CSMD1: variants seen among roughly 807,000 people sequenced by gnomAD.
The protein encoded by CSMD1 is CUB and sushi domain-containing protein 1.
In CSMD1, 213 loss-of-function variants were observed where a neutral mutation model predicts 417.5. The observed-to-expected ratio is 0.51, with a 90% confidence interval of 0.46 to 0.57. The LOEUF (loss-of-function observed/expected upper bound fraction) is 0.57. Ranked by LOEUF, CSMD1 falls within the 20% of genes least tolerant of loss-of-function variation. The pLI is 0.00. For synonymous variants in CSMD1, 2,862 were observed against 1,736.8 expected (o/e 1.65, Z -16.11); for missense variants, 6,923 against 4,529.7 (o/e 1.53, Z -15.17).
At position 2,978,561 on chromosome 8, in the gene CSMD1, G is replaced by T; in HGVS notation, c.8566+51C>A. 2.1e-6 allele frequency: 3 copies of T among 1,404,210 alleles called. No individual in the cohort carries two copies. In the East Asian group the frequency reaches 7.6e-5, roughly 35 times the overall value. The allele number at this position is 1,404,210 out of a possible 1,614,324, so 87.0% of individuals were successfully genotyped here. A position where few individuals can be genotyped will look rare whatever the true frequency, so the allele number is the denominator to read the frequency against. Reference sequence around the variant, plus strand: ...TATACTTACGGAATTTTCTGCTGATGGTGACCTTGCAGGGGTCTCTGCACA... The same window carrying T: ...TATACTTACGGAATTTTCTGCTGATTGTGACCTTGCAGGGGTCTCTGCACA... On this transcript the variant is annotated intron_variant, in intron 55 of 69. Coordinates refer to ENST00000635120, the MANE Select transcript of CSMD1 (RefSeq NM_033225.6).
At chr8:4,966,465 C>T (rs1283357018) in intron 1 of CSMD1, among the ~76,000 whole-genome samples, 1 of 152,172 alleles carries the variant, frequency 6.6e-6, no homozygotes, top group Non-Finnish European at 1.5e-5. Context: ...TATCAACCAT[C>T]ACTTCCAGAT....
intron 5 of CSMD1, among the ~76,000 whole-genome samples, chr8:3,839,140 T>C (rs1802929178): frequency 7.9e-6 from 1 of 127,088 alleles, no homozygotes; most frequent in Non-Finnish European, 1.6e-5. Flanking sequence ...TCTAGATATA[T>C]ATAGTCTATA....
In CSMD1 at chr8:3,819,585, C is replaced by T. The variant is rs373793470; in HGVS notation, c.819-65543G>A. On this transcript the variant is annotated intron_variant, in intron 5 of 69. Coordinates refer to ENST00000635120, the MANE Select transcript of CSMD1 (RefSeq NM_033225.6). The stretch of plus-strand genomic sequence containing the variant: ...ACGTATGTATATAAACGCCAACATG[C>T]GTAACATATATATGCTGAGACAGGA... 6.0e-5 allele frequency among the ~76,000 whole-genome samples: 9 copies of T among 151,098 alleles called. No homozygotes were observed. The East Asian group carries it at 7.8e-4, about 13-fold the overall frequency.
At chr8:4,852,466 G>C (rs984173023) in intron 1 of CSMD1, among the ~76,000 whole-genome samples, 1 of 152,080 alleles carries the variant, frequency 6.6e-6, no homozygotes, top group Non-Finnish European at 1.5e-5. Flanking sequence ...GCTTGATGAG[G>C]CCTCACCAGT....
At chr8:3,273,021 G>A (rs1178294256) in intron 26 of CSMD1, among the ~76,000 whole-genome samples, 1 of 151,820 alleles carries the variant, frequency 6.6e-6, no homozygotes, top group African/African-American at 2.4e-5. Flanking sequence ...GTCTTCAAAG[G>A]GAATGCTTCT....
chr8:4,865,218 A>T (rs927899693), intron 1 of CSMD1, among the ~76,000 whole-genome samples: 1 of 151,778 alleles, frequency 6.6e-6, no homozygotes. Context: ...TAAGTCCTTT[A>T]TTTAAAAAAT....
intron 67 of CSMD1, 73 bp downstream of exon 67, chr8:2,950,156 CCG>C (rs1802527301): frequency 1.0e-6 from 1 of 967,872 alleles, no homozygotes. Context: ...AGCCTCCAAT[CCG>C]TAGCCCTTGC....
intron 1 of CSMD1, among the ~76,000 whole-genome samples, chr8:4,881,670 C>G (rs1803411045): frequency 1.3e-5 from 2 of 151,628 alleles, no homozygotes; most frequent in Admixed American, 6.6e-5. Flanking sequence ...CATAAAGAGT[C>G]TTTAAGGTAT....
At chr8:4,010,301 G>C (rs958734361) in intron 4 of CSMD1, among the ~76,000 whole-genome samples, 1 of 151,886 alleles carries the variant, frequency 6.6e-6, no homozygotes, top group Non-Finnish European at 1.5e-5. Context: ...ATAATAATCT[G>C]GCACCCTCTG....
chr8:4,828,713 A>T (rs546585550), intron 1 of CSMD1, among the ~76,000 whole-genome samples: 1 of 152,262 alleles, frequency 6.6e-6, no homozygotes, highest in African/African-American at 2.4e-5. Context: ...CATGACTTAA[A>T]ATCCTAACGC....
chr8:4,601,501 C>A lies in CSMD1; in HGVS notation c.302+35841G>T, dbSNP rs77375336. On this transcript the variant is annotated intron_variant, in intron 2 of 69. Coordinates refer to ENST00000635120, the MANE Select transcript of CSMD1 (RefSeq NM_033225.6). ...GACAGGTGTGATATTACAGAATAGACAAGGAGGGACAGAGATCATAAAGGA... is the reference window on the plus strand; with the variant it reads ...GACAGGTGTGATATTACAGAATAGAAAAGGAGGGACAGAGATCATAAAGGA... 9.3e-3 allele frequency among the ~76,000 whole-genome samples: 1,420 copies of A among 152,160 alleles called. 55 individuals are homozygous for A. The highest frequency in any genetic ancestry group is 0.06 in the East Asian group (310 of 5,158).
chr8:4,187,348 G>C (rs17405538), intron 3 of CSMD1, among the ~76,000 whole-genome samples: 1 of 151,982 alleles, frequency 6.6e-6, no homozygotes, highest in Non-Finnish European at 1.5e-5. Context: ...ACACAGGTAA[G>C]CATTAAGTAG....
intron 3 of CSMD1, among the ~76,000 whole-genome samples, chr8:4,128,091 A>T (rs948009369): frequency 6.6e-6 from 1 of 152,186 alleles, no homozygotes; most frequent in Admixed American, 6.5e-5. Context: ...GTTCCTCAAC[A>T]GTCTTCACAT....
At chr8:4,724,562 G>GTGTT (rs1225955638) in intron 1 of CSMD1, among the ~76,000 whole-genome samples, 1,697 of 141,916 alleles carry the variant, frequency 0.012, 38 homozygotes, top group African/African-American at 0.044. Context: ...GTGTGTGTGT[G>GTGTT]TTTATACTCC....
intron 36 of CSMD1, among the ~76,000 whole-genome samples, chr8:3,185,179 G>T (rs915734018): frequency 1.3e-5 from 2 of 152,210 alleles, no homozygotes; most frequent in African/African-American, 4.8e-5. Context: ...GAGTCCTGTG[G>T]AGAAGCATGA....
At chr8:3,477,973 T>C (rs1373739707) in intron 11 of CSMD1, among the ~76,000 whole-genome samples, 1 of 152,230 alleles carries the variant, frequency 6.6e-6, no homozygotes, top group Non-Finnish European at 1.5e-5. Context: ...TTTCATTGAA[T>C]AAATAATCAT....
At chr8:3,052,738 C>T in intron 49 of CSMD1, 91 bp from the exon 50 acceptor site, 2 of 850,182 alleles carry the variant, frequency 2.4e-6, no homozygotes, top group Non-Finnish European at 3.4e-6. Context: ...TTATTATTGA[C>T]TCCATTTTTC....
chr8:3,583,428 T>A (rs1160148301), intron 9 of CSMD1, among the ~76,000 whole-genome samples: 1 of 152,030 alleles, frequency 6.6e-6, no homozygotes, highest in Admixed American at 6.6e-5. Context: ...TGATGGGACT[T>A]GGAAAGAGCT....
In CSMD1 at chr8:2,965,923, T is replaced by A. The variant is rs751177712; in HGVS notation, c.9132A>T (p.Ala3044=). ...AGTCGGTCCCAAACTGGATGCCATT[T>A]GCTAGTGTGCCTGGATCCCCACAAC... ...IISCGDPGTL[A]NGIQFGTDFT... Residue 3044 remains alanine (A), a synonymous_variant, in exon 59 of 70, where the codon GCA becomes GCT. Transcript: ENST00000635120. 1.2e-6 allele frequency: 2 copies of A among 1,609,234 alleles called. No individual in the cohort carries two copies. Among genetic ancestry groups the A allele is most frequent in the South Asian group, 2.2e-5 (2 of 89,656 alleles).
Sources: allele counts gnomAD v4.1 joint callset (sites outside exome capture counted in the v4.1 genomes callset), GRCh38; gene constraint gnomAD v4.1.1; transcripts MANE v1.5; gene names NCBI Gene and HGNC (gene_info 2026-07-23, HGNC 2026-07-21).